DCAF6: variants seen among roughly 807,000 people sequenced by gnomAD.
The protein encoded by DCAF6 is DDB1 and CUL4 associated factor 6.
DCAF6 carries 54 observed loss-of-function variants against 125.1 expected under a neutral mutation model. That is an observed-to-expected ratio of 0.43 (90% confidence interval 0.35 to 0.54). The LOEUF is 0.54. DCAF6 is among the 20% of genes least tolerant of loss of function. The pLI is 0.01. For synonymous variants in DCAF6, 371 were observed against 390.4 expected, an observed-to-expected ratio of 0.95 and a Z score of 0.58; for missense variants, 934 against 1,161.7, an observed-to-expected ratio of 0.80 and a Z score of 2.85.
chr1:168,027,611 G>A (rs73026196), intron 12 of DCAF6, among the ~76,000 whole-genome samples: 2 of 151,968 alleles, frequency 1.3e-5, no homozygotes, highest in Non-Finnish European at 2.9e-5. Context: ...TTTTCCAGGT[G>A]CCCAAATCAT....
chr1:167,976,956 T>G (rs547489537), intron 4 of DCAF6, among the ~76,000 whole-genome samples: 1 of 126,768 alleles, frequency 7.9e-6, no homozygotes, highest in African/African-American at 2.9e-5. Flanking sequence ...CAGGCTGAAG[T>G]GCAATGGCAT....
At chr1:167,959,525 AAT>A (rs1675265705) in intron 2 of DCAF6, among the ~76,000 whole-genome samples, 1 of 152,234 alleles carries the variant, frequency 6.6e-6, no homozygotes. Context: ...ACCAGCAATG[AAT>A]ATAAGTTCCT....
chr1:168,074,259 A>C (rs1182636047), intron 21 of DCAF6, among the ~76,000 whole-genome samples: 1 of 151,554 alleles, frequency 6.6e-6, no homozygotes, highest in Non-Finnish European at 1.5e-5. Flanking sequence ...CTGTGTAGAT[A>C]ATAAATAAAA....
At chr1:167,916,276 A>T in the DCAF6 span, among the ~76,000 whole-genome samples, 1 of 152,202 alleles carries the variant, frequency 6.6e-6, no homozygotes, top group African/African-American at 2.4e-5. Context: ...GCGCGATCTC[A>T]GCTCACTGCA....
At chr1:168,007,204 A>G (rs551559503) in intron 10 of DCAF6, among the ~76,000 whole-genome samples, 1 of 152,316 alleles carries the variant, frequency 6.6e-6, no homozygotes, top group East Asian at 1.9e-4. Flanking sequence ...GCTCCTATCA[A>G]AAGCTAGTCA....
intron 1 of DCAF6, among the ~76,000 whole-genome samples, chr1:167,951,322 C>A (rs1340365605): frequency 6.6e-6 from 1 of 152,210 alleles, no homozygotes; most frequent in Non-Finnish European, 1.5e-5. Flanking sequence ...CACCTGTAAT[C>A]CTAGCACTTT....
At chr1:167,908,956 T>C in the DCAF6 span, among the ~76,000 whole-genome samples, 1 of 152,240 alleles carries the variant, frequency 6.6e-6, no homozygotes, top group Non-Finnish European at 1.5e-5. Flanking sequence ...AAATCATAAG[T>C]GTATAGCTTG....
At chr1:167,934,628 T>C (rs1455479603), upstream of DCAF6, among the ~76,000 whole-genome samples, 1 of 152,232 alleles carries the variant, frequency 6.6e-6, no homozygotes, top group African/African-American at 2.4e-5. Flanking sequence ...TAGTAACCAG[T>C]TCAGACTCCA....
the DCAF6 span, chr1:167,899,502 A>G: frequency 1.2e-6 from 2 of 1,614,206 alleles, no homozygotes; most frequent in South Asian, 2.2e-5. Flanking sequence ...TGGTGACAGA[A>G]TAACATCATT....
chr1:168,032,011 C>T (rs1285088393), intron 12 of DCAF6, among the ~76,000 whole-genome samples: 4 of 152,084 alleles, frequency 2.6e-5, no homozygotes, highest in East Asian at 1.9e-4. Flanking sequence ...CTAAATGTAT[C>T]GAAATCACAT....
chr1:167,898,607 T>TAA, the DCAF6 span, among the ~76,000 whole-genome samples: 3 of 94,808 alleles, frequency 3.2e-5, no homozygotes, highest in African/African-American at 1.1e-4. Flanking sequence ...TTTTTTTTTT[T>TAA]AAAAAAAGAA....
chr1:167,885,643 G>A, the DCAF6 span, among the ~76,000 whole-genome samples: 1 of 151,800 alleles, frequency 6.6e-6, no homozygotes, highest in Non-Finnish European at 1.5e-5. Flanking sequence ...TTGAGACGGA[G>A]TCTCACTCTG....
intron 7 of DCAF6, among the ~76,000 whole-genome samples, chr1:167,998,209 T>C (rs956565092): frequency 2.6e-5 from 4 of 152,214 alleles, no homozygotes; most frequent in Non-Finnish European, 5.9e-5. Flanking sequence ...GTTTATACTG[T>C]ACCATAGTCT....
At chr1:167,943,276 A>C (rs1317676658) in intron 1 of DCAF6, among the ~76,000 whole-genome samples, 1 of 152,178 alleles carries the variant, frequency 6.6e-6, no homozygotes, top group Non-Finnish European at 1.5e-5. Flanking sequence ...TATTTCCATA[A>C]AAATTTTAGA....
At chr1:168,000,198 A>G (rs888461873) in intron 7 of DCAF6, among the ~76,000 whole-genome samples, 4 of 152,152 alleles carry the variant, frequency 2.6e-5, no homozygotes, top group African/African-American at 4.8e-5. Context: ...ACATTTGTCA[A>G]TTAAATTCAG....
chr1:168,044,890 T>A lies in DCAF6; in HGVS notation c.1931-10T>A, dbSNP rs376911165. On this transcript the variant is annotated splice_polypyrimidine_tract_variant and intron_variant, in intron 15 of 21. Coordinates refer to ENST00000367840, the MANE Select transcript of DCAF6 (RefSeq NM_001198956.2). ...TACCACCTGTTACATACAACTTTAT[T>A]TTCTGACAGCACAATCAGATAAGTT... The A allele has an allele frequency of 3.5e-5, 56 of 1,610,830 alleles. No homozygotes were observed. In the African/African-American group the frequency reaches 6.3e-4, roughly 18 times the overall value.
At chr1:167,891,990 T>C in the DCAF6 span, among the ~76,000 whole-genome samples, 1 of 151,626 alleles carries the variant, frequency 6.6e-6, no homozygotes, top group Non-Finnish European at 1.5e-5. Context: ...TTTTTTTTTT[T>C]AGAGACAGGG....
chr1:167,937,973 A>G (rs1238526706), intron 1 of DCAF6, among the ~76,000 whole-genome samples: 3 of 152,124 alleles, frequency 2.0e-5, no homozygotes, highest in African/African-American at 7.3e-5. Context: ...TTTGATTTCA[A>G]GTAAAGAGAA....
the DCAF6 span, among the ~76,000 whole-genome samples, chr1:167,920,256 AC>A: frequency 1.1e-4 from 17 of 152,230 alleles, no homozygotes; most frequent in Non-Finnish European, 2.4e-4. Context: ...CACAGAAAAT[AC>A]TCAATTCTTA....
Sources: allele counts gnomAD v4.1 joint callset (sites outside exome capture counted in the v4.1 genomes callset), GRCh38; gene constraint gnomAD v4.1.1; transcripts MANE v1.5; gene names NCBI Gene and HGNC (gene_info 2026-07-23, HGNC 2026-07-21).